The following ARFGEF2 variants were observed in gnomAD, a reference collection of about 807,000 sequenced individuals.
The protein encoded by ARFGEF2 is brefeldin A-inhibited guanine nucleotide-exchange protein 2.
ARFGEF2 carries 74 observed loss-of-function variants against 219.9 expected under a neutral mutation model. The ratio of observed to expected loss-of-function variants is 0.34; its 90% CI spans 0.28 to 0.41. The LOEUF is 0.41. Ranked by LOEUF, ARFGEF2 falls within the 10% of genes least tolerant of loss-of-function variation. ARFGEF2 has a pLI of 1.00. For missense variants in ARFGEF2, 1,743 were observed against 2,218.3 expected, an observed-to-expected ratio of 0.79 and a Z score of 4.30; for synonymous variants, 733 against 799.2, an observed-to-expected ratio of 0.92 and a Z score of 1.40.
chr20:49,017,342 C>T lies in ARFGEF2; in HGVS notation c.4409C>T (p.Thr1470Ile). The change falls in exon 32 of 39, where the codon ACC (threonine) becomes ATC (isoleucine). Residue 1470 changes from threonine to isoleucine, a missense_variant. This residue lies in a region of ARFGEF2 where 578 missense variants were observed against 664.0 expected (regional missense o/e 0.87). Transcript: ENST00000371917. ...EKFSPEVWDETCNCMLDIFKT... is the reference protein window; with the variant it reads ...EKFSPEVWDEICNCMLDIFKT... ...TTCAGTCCTGAAGTCTGGGATGAAA[C>T]CTGCAACTGTATGTTGGATATTTTC... 6.2e-7 allele frequency: 1 copy of T among 1,614,032 alleles called. No homozygotes were observed. Among genetic ancestry groups the T allele is most frequent in the Non-Finnish European group, 8.5e-7 (1 of 1,179,992 alleles).
At chr20:48,984,954 C>G in intron 15 of ARFGEF2, 114 bp downstream of exon 15, 4 of 1,558,866 alleles carry the variant, frequency 2.6e-6, no homozygotes, top group African/African-American at 2.8e-5. Flanking sequence ...TTGTCCACCC[C>G]CGGGTTATAC....
chr20:49,028,650 T>C lies in ARFGEF2; in HGVS notation c.5045T>C (p.Ile1682Thr). Residue 1682 changes from isoleucine (I) to threonine (T), a missense_variant, in exon 37 of 39, where the codon ATA (isoleucine) becomes ACA (threonine). Ile to Thr is a moderately conservative substitution (Grantham distance 89). Around this residue, in one of 5 missense-constraint regions of ARFGEF2, gnomAD observed 578 missense variants for 664.0 expected, o/e 0.87. Coordinates refer to ENST00000371917, the MANE Select transcript of ARFGEF2 (RefSeq NM_006420.3). ...AACCGCAGGGATTCCTGGGAAGAAA[T>C]ACAGCAGAGACTTTTAACGTAAGAA... ...DENRRDSWEEIQQRLLTVCSE... is the reference protein window; with the variant it reads ...DENRRDSWEETQQRLLTVCSE... 1 of 1,614,170 alleles carries C rather than the reference T, an allele frequency of 6.2e-7. No homozygotes were observed. The highest frequency in any genetic ancestry group is 8.5e-7 in the Non-Finnish European group (1 of 1,180,012).
intron 1 of ARFGEF2, among the ~76,000 whole-genome samples, 160 bp downstream of exon 1, chr20:48,922,170 G>T (rs572523597): frequency 2.0e-5 from 3 of 152,214 alleles, no homozygotes; most frequent in Non-Finnish European, 4.4e-5. Flanking sequence ...AGGAAGTGTT[G>T]CCCGGGCAGC....
Position 48,953,806 on chromosome 20 carries a change from G to A in ARFGEF2, c.838+16G>A. The A allele has an allele frequency of 6.2e-7, 1 of 1,609,934 alleles. No homozygotes were observed. The highest frequency in any genetic ancestry group is 1.3e-5 in the African/African-American group (1 of 74,978). ...TCACTGTCAGGTACGGGCTGATACG[G>A]TATGGCTCTTTTTCCAAGTGTGAGA... is the stretch of plus-strand genomic sequence containing the variant. On this transcript the variant is annotated intron_variant, in intron 6 of 38. Coordinates refer to ENST00000371917, the MANE Select transcript of ARFGEF2 (RefSeq NM_006420.3).
chr20:49,025,581 T>G, intron 36 of ARFGEF2, 100 bp downstream of exon 36: 1 of 1,305,982 alleles, frequency 7.7e-7, no homozygotes, highest in Non-Finnish European at 1.1e-6. Context: ...ATAGCTAGAA[T>G]AACTTAACAG....
chr20:49,017,519 G>A lies in ARFGEF2; in HGVS notation c.4478G>A (p.Gly1493Glu). The change falls in exon 33 of 39, where the codon GGA becomes GAA. Residue 1493 changes from glycine (G) to glutamate (E), a missense_variant. Physicochemically the swap from Gly to Glu is moderately conservative, Grantham distance 98. This residue lies in a region of ARFGEF2 where 578 missense variants were observed against 664.0 expected (regional missense o/e 0.87). Coordinates refer to ENST00000371917, the MANE Select transcript of ARFGEF2 (RefSeq NM_006420.3). ...AGTTTGCTGACATGGAGACCTGTAGGAATGGAGGAAGATTCATCAGAAAAG... is the reference window on the plus strand; with the variant it reads ...AGTTTGCTGACATGGAGACCTGTAGAAATGGAGGAAGATTCATCAGAAAAG... ...PHVLLTWRPV[G>E]MEEDSSEKHL... is the part of the protein sequence containing the mutation. 6.2e-7 allele frequency: 1 copy of A among 1,613,850 alleles called. No individual in the cohort carries two copies. Among genetic ancestry groups the A allele is most frequent in the Non-Finnish European group, 8.5e-7 (1 of 1,179,912 alleles).
At chr20:48,993,759 G>C (rs1169654905) in intron 21 of ARFGEF2, among the ~76,000 whole-genome samples, 1 of 152,156 alleles carries the variant, frequency 6.6e-6, no homozygotes, top group African/African-American at 2.4e-5. Flanking sequence ...GCACCCCTCA[G>C]GACCAGGAGA....
intron 6 of ARFGEF2, among the ~76,000 whole-genome samples, chr20:48,962,563 G>A (rs954398098): frequency 6.6e-6 from 1 of 152,214 alleles, no homozygotes; most frequent in African/African-American, 2.4e-5. Context: ...ACTAAAGTTT[G>A]AGTAACAGTG....
Position 49,036,553 on chromosome 20 carries a change from G to C in ARFGEF2, c.*3354G>C, listed in dbSNP as rs920200802. The C allele has an allele frequency of 7.9e-6, 2 of 253,860 alleles. No homozygotes were observed. The highest frequency in any genetic ancestry group is 4.4e-5 in the African/African-American group (2 of 45,398). 15.7% of individuals were successfully genotyped at this position (253,860 alleles called of 1,614,324 possible). A position where few individuals can be genotyped will look rare whatever the true frequency, so the allele number is the denominator to read the frequency against. On this transcript the variant is annotated 3_prime_UTR_variant, in exon 39 of 39. Transcript: ENST00000371917. ...GAAAACCATTCCTTGCCCAATGGAT[G>C]TATAAATTTTTGAAAGAATAAGCAG...
intron 3 of ARFGEF2, among the ~76,000 whole-genome samples, chr20:48,946,316 C>G (rs1050240991): frequency 6.6e-6 from 1 of 152,064 alleles, no homozygotes; most frequent in Non-Finnish European, 1.5e-5. Context: ...ACTTCCCCTG[C>G]GGCTTGCTTC....
chr20:48,974,849 G>A lies in ARFGEF2; in HGVS notation c.1749G>A (p.Val583=). 1 of 1,613,850 alleles carries A rather than the reference G, an allele frequency of 6.2e-7. No homozygotes were observed. The highest frequency in any genetic ancestry group is 8.5e-7 in the Non-Finnish European group (1 of 1,179,900). Residue 583 remains valine, a synonymous_variant, in exon 13 of 39, where the codon GTG becomes GTA. Coordinates refer to ENST00000371917, the MANE Select transcript of ARFGEF2 (RefSeq NM_006420.3). Reference sequence around the variant, plus strand: ...TGGAGTGGAGCAAAGACCTGTATGTGAATCCCAACCACCAGACCAGCCTCG... The same window carrying A: ...TGGAGTGGAGCAAAGACCTGTATGTAAATCCCAACCACCAGACCAGCCTCG... ...CMVEWSKDLY[V]NPNHQTSLGQ...
Position 48,941,898 on chromosome 20 carries a change from A to G in ARFGEF2, c.187A>G (p.Ile63Val), listed in dbSNP as rs747639378. Reference sequence around the variant, plus strand: ...TGCTGCACCACCAAAGGCAAACTTCATTGAAGCTGACAAGTATTTTCTTCC... The same window carrying G: ...TGCTGCACCACCAAAGGCAAACTTCGTTGAAGCTGACAAGTATTTTCTTCC... The part of the protein sequence containing the change: ...GTAAPPKANF[I>V]EADKYFLPFE... The change falls in exon 3 of 39, where the codon ATT becomes GTT. Residue 63 changes from isoleucine to valine, a missense_variant. Transcript: ENST00000371917. 8.1e-6 allele frequency: 13 copies of G among 1,614,092 alleles called. No homozygotes were observed. The highest frequency in any genetic ancestry group is 2.2e-5 in the East Asian group (1 of 44,898).
chr20:48,955,080 G>A lies in ARFGEF2; in HGVS notation c.838+1290G>A, dbSNP rs994472018. Among the ~76,000 whole-genome samples, 5 of 152,146 alleles carry A rather than the reference G, an allele frequency of 3.3e-5. 1 individual carries two copies. The highest frequency in any genetic ancestry group is 9.7e-5 in the African/African-American group (4 of 41,432). Reference sequence around the variant, plus strand: ...GCAGCCAAAGTGATCTCTTAAAAGCGTGAATTAGAGCATGACCCCTGCTCA... The same window carrying A: ...GCAGCCAAAGTGATCTCTTAAAAGCATGAATTAGAGCATGACCCCTGCTCA... On this transcript the variant is annotated intron_variant, in intron 6 of 38. Coordinates refer to ENST00000371917, the MANE Select transcript of ARFGEF2 (RefSeq NM_006420.3).
intron 8 of ARFGEF2, among the ~76,000 whole-genome samples, chr20:48,967,019 TA>T (rs2091192335): frequency 6.6e-6 from 1 of 152,246 alleles, no homozygotes; most frequent in African/African-American, 2.4e-5. Flanking sequence ...GCTAATTTTT[TA>T]TTATTATTTG....
chr20:48,989,831 T>C, intron 20 of ARFGEF2, 147 bp downstream of exon 20: 2 of 1,278,474 alleles, frequency 1.6e-6, no homozygotes, highest in South Asian at 2.5e-5. Flanking sequence ...AATCCGTAGC[T>C]TTGTGATGAC....
intron 14 of ARFGEF2, among the ~76,000 whole-genome samples, chr20:48,976,428 TC>T (rs1452948924): frequency 1.3e-5 from 2 of 151,980 alleles, no homozygotes; most frequent in Non-Finnish European, 2.9e-5. Context: ...CAGCCTTTTT[TC>T]CCCCCTTTTC....
chr20:48,996,601 G>A (rs1600642582), intron 23 of ARFGEF2, among the ~76,000 whole-genome samples: 1 of 151,296 alleles, frequency 6.6e-6, no homozygotes, highest in East Asian at 1.9e-4. Context: ...GAAATTAACT[G>A]GGCATGGTGA....
intron 16 of ARFGEF2, among the ~76,000 whole-genome samples, chr20:48,985,954 G>A (rs1031200314): frequency 4.6e-5 from 7 of 152,180 alleles, no homozygotes; most frequent in African/African-American, 1.7e-4. Context: ...CAGTTCCCCT[G>A]ATTTAATATA....
intron 36 of ARFGEF2, among the ~76,000 whole-genome samples, chr20:49,028,061 C>T (rs1057199122): frequency 6.6e-6 from 1 of 152,112 alleles, no homozygotes; most frequent in Non-Finnish European, 1.5e-5. Context: ...AGTTCGAGAC[C>T]AGCCTGACCA....
Sources: allele counts gnomAD v4.1 joint callset (sites outside exome capture counted in the v4.1 genomes callset), GRCh38; gene constraint gnomAD v4.1.1; regional missense constraint gnomAD v4.1.1; transcripts MANE v1.5; gene names NCBI Gene and HGNC (gene_info 2026-07-23, HGNC 2026-07-21).